WWOX: variants seen among roughly 807,000 people sequenced by gnomAD.
WWOX encodes WW domain-containing oxidoreductase.
A neutral mutation model predicts 46.2 loss-of-function variants in WWOX; 69 were observed. The ratio of observed to expected loss-of-function variants is 1.49; its 90% CI spans 1.23 to 1.82. WWOX has a LOEUF of 1.82. WWOX is among the 40% of genes most tolerant of loss of function. The probability of loss-of-function intolerance (pLI) is 0.00; values close to 1 mark genes in which losing one functional copy is unlikely to be tolerated. For synonymous variants in WWOX, 359 were observed against 202.6 expected (o/e 1.77, Z -6.56); for missense variants, 919 against 542.6 (o/e 1.69, Z -6.89).
At chr16:78,974,312 C>T (rs2046529822) in intron 8 of WWOX, among the ~76,000 whole-genome samples, 2 of 152,212 alleles carry the variant, frequency 1.3e-5, no homozygotes, top group Non-Finnish European at 2.9e-5. Flanking sequence ...CCTTCCAGTA[C>T]AGATAATAAA....
chr16:78,550,719 G>T (rs7206168), intron 8 of WWOX: 11,431 of 152,230 alleles, frequency 0.075, 525 homozygotes, highest in East Asian at 0.11. Context: ...GCAGAGTGGG[G>T]TGGTTGGATG....
chr16:78,221,972 T>C (rs761717451), intron 5 of WWOX, among the ~76,000 whole-genome samples: 1 of 152,072 alleles, frequency 6.6e-6, no homozygotes, highest in South Asian at 2.1e-4. Context: ...ACCAAGAATA[T>C]AAAGAATGAA....
chr16:78,740,939 A>C, intron 8 of WWOX, among the ~76,000 whole-genome samples: 1 of 152,240 alleles, frequency 6.6e-6, no homozygotes, highest in East Asian at 1.9e-4. Context: ...TTTTTTCACT[A>C]TGTCACATTG....
chr16:79,183,678 C>T (rs895298981), intron 8 of WWOX, among the ~76,000 whole-genome samples: 2 of 152,140 alleles, frequency 1.3e-5, no homozygotes, highest in African/African-American at 2.4e-5. Flanking sequence ...GTGAACTCTG[C>T]ATGTTTCAGC....
At chr16:78,535,944 A>G (rs1377360339) in intron 8 of WWOX, among the ~76,000 whole-genome samples, 2 of 152,160 alleles carry the variant, frequency 1.3e-5, no homozygotes, top group East Asian at 1.9e-4. Context: ...TCTGCGCACA[A>G]AATTCGTTGC....
chr16:78,641,999 G>A (rs545068664), intron 8 of WWOX, among the ~76,000 whole-genome samples: 1 of 152,268 alleles, frequency 6.6e-6, no homozygotes, highest in African/African-American at 2.4e-5. Flanking sequence ...AAAATGCAAA[G>A]AGGGGGAAAA....
At chr16:78,956,116 C>G (rs1433090439) in intron 8 of WWOX, among the ~76,000 whole-genome samples, 1 of 152,044 alleles carries the variant, frequency 6.6e-6, no homozygotes, top group Non-Finnish European at 1.5e-5. Context: ...TCTACATCCC[C>G]ACTAGATCCA....
chr16:78,608,521 G>C (rs920234728), intron 8 of WWOX, among the ~76,000 whole-genome samples: 9 of 152,176 alleles, frequency 5.9e-5, no homozygotes, highest in Non-Finnish European at 1.3e-4. Context: ...TCTCCCTGCT[G>C]TTGGGAGGTT....
intron 4 of WWOX, among the ~76,000 whole-genome samples, chr16:78,157,693 G>A (rs2034653312): frequency 6.6e-6 from 1 of 152,210 alleles, no homozygotes; most frequent in South Asian, 2.1e-4. Flanking sequence ...AGGTTAAATT[G>A]TGCTCCAGAG....
At chr16:78,908,279 C>T (rs966523861) in intron 8 of WWOX, among the ~76,000 whole-genome samples, 2 of 152,082 alleles carry the variant, frequency 1.3e-5, no homozygotes, top group South Asian at 2.1e-4. Flanking sequence ...GTGGCTCATG[C>T]CTGTAATCCC....
intron 8 of WWOX, among the ~76,000 whole-genome samples, chr16:79,055,058 T>G (rs1249486178): frequency 6.6e-6 from 1 of 152,176 alleles, no homozygotes; most frequent in Non-Finnish European, 1.5e-5. Context: ...GTCAGAGACC[T>G]AAAATGGTAT....
At chr16:78,504,602 ACTAT>A (rs1363647922) in intron 8 of WWOX, among the ~76,000 whole-genome samples, 2 of 152,164 alleles carry the variant, frequency 1.3e-5, no homozygotes, top group South Asian at 2.1e-4. Context: ...TCTTCGTAAT[ACTAT>A]CTTTCTTTCC....
chr16:78,943,637 C>G (rs6564625), intron 8 of WWOX, among the ~76,000 whole-genome samples: 33,024 of 152,068 alleles, frequency 0.22, 5,374 homozygotes, highest in African/African-American at 0.46. Flanking sequence ...CGTCAATGGC[C>G]TGGACGCAGC....
At chr16:79,041,381 T>C (rs1351781707) in intron 8 of WWOX, among the ~76,000 whole-genome samples, 1 of 152,138 alleles carries the variant, frequency 6.6e-6, no homozygotes, top group African/African-American at 2.4e-5. Context: ...GCCCATTCCC[T>C]GATATAAGGA....
chr16:78,218,453 C>T (rs1250151951), intron 5 of WWOX, among the ~76,000 whole-genome samples: 6 of 152,000 alleles, frequency 3.9e-5, no homozygotes, highest in Non-Finnish European at 8.8e-5. Context: ...CTCTATAGGA[C>T]TAAGGGTGTG....
chr16:78,489,359 T>G (rs2084720579), intron 8 of WWOX, among the ~76,000 whole-genome samples: 1 of 152,126 alleles, frequency 6.6e-6, no homozygotes. Context: ...ATTTTTTTCC[T>G]CTCTTTACTT....
At chr16:78,845,755 T>C (rs573259721) in intron 8 of WWOX, among the ~76,000 whole-genome samples, 1 of 152,320 alleles carries the variant, frequency 6.6e-6, no homozygotes, top group South Asian at 2.1e-4. Context: ...TTGAGATATG[T>C]ACTAATCCTG....
At chr16:78,448,962 C>G (rs1353469861) in intron 8 of WWOX, among the ~76,000 whole-genome samples, 2 of 152,130 alleles carry the variant, frequency 1.3e-5, no homozygotes, top group East Asian at 1.9e-4. Flanking sequence ...CTCAGCTGGT[C>G]TGGTTACAGA....
At chr16:78,756,110 G>T (rs1311263989) in intron 8 of WWOX, among the ~76,000 whole-genome samples, 1 of 152,170 alleles carries the variant, frequency 6.6e-6, no homozygotes, top group Non-Finnish European at 1.5e-5. Flanking sequence ...ATGATGGAAA[G>T]GGGAGGAGAG....
Sources: gnomAD v4.1 joint callset for allele counts (sites outside exome capture counted in the v4.1 genomes callset) on GRCh38, gnomAD v4.1.1 for gene constraint, MANE v1.5 for transcripts, NCBI Gene and HGNC (gene_info 2026-07-23, HGNC 2026-07-21) for gene names.